Variants in PKHD1 observed in about 807,000 individuals in gnomAD.
The protein encoded by PKHD1 is PKHD1 ciliary IPT domain containing fibrocystin/polyductin, also known as fibrocystin.
In PKHD1, 291 loss-of-function variants were observed where a neutral mutation model predicts 412.0. The ratio of observed to expected loss-of-function variants is 0.71; its 90% confidence interval spans 0.64 to 0.78. PKHD1 has a LOEUF of 0.78. PKHD1 is among the 30% of genes least tolerant of loss of function. The pLI is 0.00. For synonymous variants in PKHD1, 1,777 were observed against 1,821.5 expected (o/e 0.98, Z 0.62); for missense variants, 4,825 against 4,950.7 (o/e 0.97, Z 0.76).
chr6:51,789,089 C>T (rs1308453807), intron 53 of PKHD1, among the ~76,000 whole-genome samples: 1 of 152,092 alleles, frequency 6.6e-6, no homozygotes, highest in African/African-American at 2.4e-5. Context: ...TTCTCCCTGG[C>T]TTTCAGAGGA....
At chr6:51,687,941 C>T (rs1454030101) in intron 60 of PKHD1, among the ~76,000 whole-genome samples, 2 of 152,130 alleles carry the variant, frequency 1.3e-5, no homozygotes, top group African/African-American at 2.4e-5. Flanking sequence ...AATAGTATTG[C>T]CTTGAGATCC....
chr6:52,078,821 A>G (rs1328841183), intron 5 of PKHD1, among the ~76,000 whole-genome samples: 1 of 152,238 alleles, frequency 6.6e-6, no homozygotes, highest in Non-Finnish European at 1.5e-5. Context: ...GTGGTGGTGC[A>G]GCTCTTAGTA....
chr6:51,997,618 C>T (rs1280093236), intron 35 of PKHD1, among the ~76,000 whole-genome samples: 2 of 152,216 alleles, frequency 1.3e-5, no homozygotes, highest in Non-Finnish European at 2.9e-5. Flanking sequence ...TTAGCACAGG[C>T]AGAAATGCCA....
At position 51,911,833 on chromosome 6, in the gene PKHD1, C is replaced by G. The variant is rs748777501; in HGVS notation, c.6456G>C (p.Leu2152=). ...QGNLTNEREK[L]LVSCQEANAP... ...CATTGGCCTCCTGGCATGAAACAAGCAGCTTCTCCCTCTCATTAGTGAGAT... is the reference window on the plus strand; with the variant it reads ...CATTGGCCTCCTGGCATGAAACAAGGAGCTTCTCCCTCTCATTAGTGAGAT... The change falls in exon 39 of 67, where the codon CTG becomes CTC. Residue 2152 remains leucine (L), a synonymous_variant. Transcript: ENST00000371117. The G allele has an allele frequency of 2.5e-6, 4 of 1,612,992 alleles. No individual in the cohort carries two copies. The Admixed American group carries it at 6.7e-5, about 27-fold the overall frequency.
intron 27 of PKHD1, among the ~76,000 whole-genome samples, chr6:52,041,719 G>T (rs1562208582): frequency 6.6e-6 from 1 of 152,080 alleles, no homozygotes; most frequent in Admixed American, 6.6e-5. Context: ...TGAACAGCAT[G>T]TTCTGATAGG....
intron 55 of PKHD1, among the ~76,000 whole-genome samples, chr6:51,772,300 C>A: frequency 6.9e-6 from 1 of 144,436 alleles, no homozygotes; most frequent in Non-Finnish European, 1.5e-5. Flanking sequence ...TTAAATTTCA[C>A]AATATACTTC....
intron 60 of PKHD1, among the ~76,000 whole-genome samples, chr6:51,709,442 C>T (rs1490465655): frequency 6.6e-6 from 1 of 152,144 alleles, no homozygotes; most frequent in Non-Finnish European, 1.5e-5. Context: ...TTCCCTTTCC[C>T]TCTCAAGAGT....
At chr6:52,074,457 TA>T (rs945903266) in intron 6 of PKHD1, among the ~76,000 whole-genome samples, 2 of 152,040 alleles carry the variant, frequency 1.3e-5, no homozygotes, top group African/African-American at 4.8e-5. Flanking sequence ...CTGTTACTGC[TA>T]AAAAAAATCT....
intron 60 of PKHD1, among the ~76,000 whole-genome samples, chr6:51,668,566 G>A (rs1290173611): frequency 6.6e-6 from 1 of 152,102 alleles, no homozygotes; most frequent in Non-Finnish European, 1.5e-5. Flanking sequence ...GCCCTGGCCA[G>A]AACTTCCAAC....
chr6:51,940,052 T>A (rs1788228722), intron 36 of PKHD1, among the ~76,000 whole-genome samples: 2 of 151,622 alleles, frequency 1.3e-5, no homozygotes, highest in Non-Finnish European at 3.0e-5. Context: ...CCAAAATCAG[T>A]TAGCATTTAG....
chr6:51,856,068 G>A lies in PKHD1; in HGVS notation c.7736C>T (p.Ala2579Val), dbSNP rs78361537. 4.8e-5 allele frequency: 77 copies of A among 1,590,508 alleles called. 1 individual carries two copies. The African/African-American group carries it at 8.1e-4, about 17-fold the overall frequency. Residue 2579 changes from alanine (A) to valine (V), a missense_variant and splice_region_variant, in exon 49 of 67, where the codon GCG (alanine) becomes GTG (valine). Physicochemically the swap from Ala to Val is moderately conservative, Grantham distance 64 (BLOSUM62 0). Coordinates refer to ENST00000371117, the MANE Select transcript of PKHD1 (RefSeq NM_138694.4). ...VLFHRMSIGL[A>V]NTPEVSYDLT... is the part of the protein sequence containing the mutation. ...ATCATAAGAAACTTCAGGAGTATTC[G>A]CTCTAAGGTGATTTTAAAAGGAAAA... is the stretch of plus-strand genomic sequence containing the variant.
intron 36 of PKHD1, among the ~76,000 whole-genome samples, chr6:51,945,445 G>T (rs760999202): frequency 9.2e-5 from 14 of 152,306 alleles, no homozygotes; most frequent in Non-Finnish European, 1.9e-4. Context: ...CCGCAAAGTG[G>T]AAGGTGGAAT....
Position 51,658,957 on chromosome 6 carries a change from G to A in PKHD1, c.11169C>T (p.Gly3723=). 1 of 1,604,942 alleles carries A rather than the reference G, an allele frequency of 6.2e-7. No homozygotes were observed. The highest frequency in any genetic ancestry group is 8.5e-7 in the Non-Finnish European group (1 of 1,171,838). Reference sequence around the variant, plus strand: ...TGAATATAATTAGTACTTACCCATAGCCAATGACTCCCTTTGACTGAGTAA... The same window carrying A: ...TGAATATAATTAGTACTTACCCATAACCAATGACTCCCTTTGACTGAGTAA... ...LLVTQSKGVI[G]YGNTSSFKTG... The change falls in exon 61 of 67, where the codon GGC becomes GGT. Residue 3723 remains glycine (G), a synonymous_variant. Coordinates refer to ENST00000371117, the MANE Select transcript of PKHD1 (RefSeq NM_138694.4).
At chr6:51,830,309 C>T (rs1490363994) in intron 52 of PKHD1, among the ~76,000 whole-genome samples, 1 of 152,082 alleles carries the variant, frequency 6.6e-6, no homozygotes, top group Non-Finnish European at 1.5e-5. Flanking sequence ...TCTAAGGAAT[C>T]ATCTTTTTTA....
At chr6:51,870,900 T>C (rs555796413) in intron 46 of PKHD1, among the ~76,000 whole-genome samples, 3 of 150,872 alleles carry the variant, frequency 2.0e-5, no homozygotes, top group African/African-American at 7.3e-5. Context: ...AAAGAAAATA[T>C]ACAGATAGCA....
intron 60 of PKHD1, among the ~76,000 whole-genome samples, chr6:51,706,588 A>G (rs1228679806): frequency 1.3e-5 from 2 of 152,044 alleles, no homozygotes; most frequent in Non-Finnish European, 2.9e-5. Context: ...AGTAAATGCC[A>G]AAACTATTTT....
intron 35 of PKHD1, among the ~76,000 whole-genome samples, chr6:51,982,767 C>A (rs1171220742): frequency 1.5e-5 from 2 of 134,924 alleles, no homozygotes; most frequent in Admixed American, 7.7e-5. Context: ...TATGACCCTG[C>A]CAAATCCCCC....
Position 51,635,866 on chromosome 6 carries a change from G to A in PKHD1, c.11506+2983C>T, listed in dbSNP as rs1242395563. Reference sequence around the variant, plus strand: ...TGTATTTGTGGTGAAGGTGGGGGGGGGCGGGGGGCCGGGGGCGGATTTGTG... The same window carrying A: ...TGTATTTGTGGTGAAGGTGGGGGGGAGCGGGGGGCCGGGGGCGGATTTGTG... On this transcript the variant is annotated intron_variant, in intron 64 of 66. Coordinates refer to ENST00000371117, the MANE Select transcript of PKHD1 (RefSeq NM_138694.4). Among the ~76,000 whole-genome samples the A allele has an allele frequency of 2.3e-3, 197 of 84,946 alleles. 5 individuals are homozygous for A. Among genetic ancestry groups the A allele is most frequent in the African/African-American group, 7.7e-3 (190 of 24,606 alleles). 55.7% of individuals were successfully genotyped at this position (84,946 alleles called of 152,430 possible).
At chr6:51,912,303 A>T (rs555114754) in intron 38 of PKHD1, 63 bp downstream of exon 38, 7 of 1,006,802 alleles carry the variant, frequency 7.0e-6, no homozygotes, top group African/African-American at 6.3e-5. Context: ...AAATGTCCAG[A>T]CCCCAATACA....
Sources: allele counts gnomAD v4.1 joint callset (sites outside exome capture counted in the v4.1 genomes callset), GRCh38; gene constraint gnomAD v4.1.1; transcripts MANE v1.5; gene names NCBI Gene and HGNC (gene_info 2026-07-23, HGNC 2026-07-21).